KAT6B: variants seen among roughly 807,000 people sequenced by gnomAD.
The protein encoded by KAT6B is lysine acetyltransferase 6B, also known as histone acetyltransferase KAT6B.
Under a neutral mutation model 187.5 loss-of-function variants are expected in KAT6B, and 10 were observed. The ratio of observed to expected loss-of-function variants is 0.05; its 90% CI spans 0.03 to 0.09. KAT6B has a LOEUF of 0.09. Ranked by LOEUF, KAT6B falls within the 10% of genes least tolerant of loss-of-function variation. The pLI, the probability that KAT6B is intolerant of heterozygous loss-of-function variation, is 1.00. For synonymous variants in KAT6B, 861 were observed against 926.8 expected (o/e 0.93, Z 1.29); for missense variants, 1,952 against 2,558.9 (o/e 0.76, Z 5.12).
At chr10:74,956,996 C>T (rs1022418948) in intron 3 of KAT6B, among the ~76,000 whole-genome samples, 1 of 152,176 alleles carries the variant, frequency 6.6e-6, no homozygotes, top group African/African-American at 2.4e-5. Flanking sequence ...CATTTTCAGA[C>T]ATCTTAAATA....
chr10:75,000,056 C>T (rs1015216691), intron 13 of KAT6B, among the ~76,000 whole-genome samples: 1 of 151,762 alleles, frequency 6.6e-6, no homozygotes, highest in Non-Finnish European at 1.5e-5. Flanking sequence ...CCTGTAGTCC[C>T]AGCTACTCAA....
In KAT6B at chr10:74,985,225, T is replaced by C. The variant is rs749520926; in HGVS notation, c.2519T>C (p.Val840Ala). ...AATGATGAAAAGGGCTGTCATCTGG[T>C]TGGATACTTCTCTAAGGTAAAACAA... is the stretch of plus-strand genomic sequence containing the variant. ...TKNDEKGCHLVGYFSKEKLCQ... is the reference protein window; with the variant it reads ...TKNDEKGCHLAGYFSKEKLCQ... The change falls in exon 12 of 18, where the codon GTT (valine) becomes GCT (alanine). Residue 840 changes from valine to alanine, a missense_variant. Physicochemically the swap from Val to Ala is moderately conservative, Grantham distance 64. Transcript: ENST00000287239. 5.0e-6 allele frequency: 8 copies of C among 1,614,024 alleles called. No individual in the cohort carries two copies.
chr10:74,918,014 T>C (rs918747167), intron 3 of KAT6B, among the ~76,000 whole-genome samples: 1 of 152,180 alleles, frequency 6.6e-6, no homozygotes, highest in Admixed American at 6.5e-5. Flanking sequence ...TGGCTTAAAT[T>C]TTTTTTAAAT....
intron 17 of KAT6B, among the ~76,000 whole-genome samples, 199 bp from the exon 18 acceptor site, chr10:75,028,290 C>A (rs913204235): frequency 6.6e-6 from 1 of 152,156 alleles, no homozygotes; most frequent in African/African-American, 2.4e-5. Flanking sequence ...ATGTTACTCT[C>A]CCAGGCCTAG....
intron 3 of KAT6B, among the ~76,000 whole-genome samples, chr10:74,915,246 G>A (rs1254235173): frequency 6.6e-6 from 1 of 151,968 alleles, no homozygotes; most frequent in Non-Finnish European, 1.5e-5. Context: ...GTTTCTCTGT[G>A]GTTTTAAGAA....
At chr10:74,872,981 A>G (rs1844114473) in intron 3 of KAT6B, among the ~76,000 whole-genome samples, 1 of 152,178 alleles carries the variant, frequency 6.6e-6, no homozygotes, top group Non-Finnish European at 1.5e-5. Flanking sequence ...TAAGTCTGAT[A>G]ATACATTATG....
rs534371283 is a variant in KAT6B at position 74,870,385 on chromosome 10, G to T, written c.621+26907G>T. Among the ~76,000 whole-genome samples the T allele has an allele frequency of 3.3e-5, 5 of 152,222 alleles. No homozygotes were observed. The South Asian group carries it at 6.2e-4, about 19-fold the overall frequency. On this transcript the variant is annotated intron_variant, in intron 3 of 17. Transcript: ENST00000287239. ...CAGATTGTCAAGATGGCAGACCTTG[G>T]TTTGCACTTTAGAGTTGGGTAGCTT...
chr10:75,009,684 T>G (rs186118012), intron 13 of KAT6B, among the ~76,000 whole-genome samples: 114 of 152,288 alleles, frequency 7.5e-4, no homozygotes, highest in African/African-American at 2.6e-3. Flanking sequence ...TGTAGCCAGT[T>G]TGGACTTTAA....
In KAT6B at chr10:74,976,144, T is replaced by C; in HGVS notation, c.1807T>C (p.Ser603Pro). ...IRSRFISHSS[S>P]SSWGMARGSI... ...AAGTCGGTTTATTTCTCACTCCTCC[T>C]CCTCTAGCTGGGGGATGGCTAGAGG... is the stretch of plus-strand genomic sequence containing the variant. The change falls in exon 8 of 18, where the codon TCC becomes CCC. Residue 603 changes from serine to proline, a missense_variant. Ser to Pro is a moderately conservative substitution (Grantham distance 74). Transcript: ENST00000287239. 6.2e-7 allele frequency: 1 copy of C among 1,614,160 alleles called. No homozygotes were observed.
At chr10:75,013,184 C>G (rs1844733976) in intron 13 of KAT6B, among the ~76,000 whole-genome samples, 1 of 152,070 alleles carries the variant, frequency 6.6e-6, no homozygotes, top group Non-Finnish European at 1.5e-5. Flanking sequence ...TGGGACTGTC[C>G]CTGGGCTCTG....
intron 9 of KAT6B, among the ~76,000 whole-genome samples, chr10:74,978,479 T>C (rs777309144): frequency 5.9e-5 from 9 of 152,222 alleles, no homozygotes; most frequent in East Asian, 3.8e-4. Context: ...TTAAATATTA[T>C]CTTTTTTTGG....
intron 3 of KAT6B, among the ~76,000 whole-genome samples, chr10:74,909,926 GC>G (rs1847070087): frequency 6.6e-6 from 1 of 152,014 alleles, no homozygotes; most frequent in African/African-American, 2.4e-5. Context: ...GTGGTCAGCT[GC>G]CTCTTCTTTT....
At chr10:74,903,565 G>A (rs374577053) in intron 3 of KAT6B, among the ~76,000 whole-genome samples, 41 of 152,194 alleles carry the variant, frequency 2.7e-4, no homozygotes, top group African/African-American at 8.9e-4. Context: ...GCTAGGAACC[G>A]AATTATTCTA....
At chr10:74,898,148 G>T (rs1589575457) in intron 3 of KAT6B, among the ~76,000 whole-genome samples, 1 of 152,128 alleles carries the variant, frequency 6.6e-6, no homozygotes, top group African/African-American at 2.4e-5. Context: ...AACGTGAAAG[G>T]CATTGGTACA....
In KAT6B at chr10:74,880,760, C is replaced by T. The variant is rs769077419; in HGVS notation, c.621+37282C>T. On this transcript the variant is annotated intron_variant, in intron 3 of 17. Transcript: ENST00000287239. ...CCTCCCAAGTAACTGGGATTACAGG[C>T]GCACGCCACCATGCCCAGCTAATTG... 2.6e-5 allele frequency among the ~76,000 whole-genome samples: 4 copies of T among 151,778 alleles called. No homozygotes were observed. In the South Asian group the frequency reaches 6.2e-4, roughly 24 times the overall value.
intron 3 of KAT6B, among the ~76,000 whole-genome samples, chr10:74,933,510 A>C (rs1199544248): frequency 1.3e-5 from 2 of 152,216 alleles, no homozygotes; most frequent in African/African-American, 2.4e-5. Flanking sequence ...ATGCTGTTAA[A>C]AAGGAGTCAG....
intron 3 of KAT6B, among the ~76,000 whole-genome samples, chr10:74,859,767 A>G (rs1203967981): frequency 6.6e-6 from 1 of 152,232 alleles, no homozygotes; most frequent in African/African-American, 2.4e-5. Flanking sequence ...TCCACCAGCT[A>G]CAGAAATGTA....
chr10:75,005,207 T>G (rs2092321919), intron 13 of KAT6B, among the ~76,000 whole-genome samples: 1 of 151,502 alleles, frequency 6.6e-6, no homozygotes, highest in Non-Finnish European at 1.5e-5. Context: ...TGGCATTTCG[T>G]TTTTTTGTTC....
At position 74,843,213 on chromosome 10, in the gene KAT6B, A is replaced by C. The variant is rs1461885837; in HGVS notation, c.356A>C (p.Glu119Ala). Residue 119 changes from glutamate (E) to alanine (A), a missense_variant, in exon 3 of 18, where the codon GAG (glutamate) becomes GCG (alanine). By Grantham distance (107) the Glu-to-Ala change is moderately radical. Transcript: ENST00000287239. ...KLLRRAIEGL[E>A]EPNGSSLKNI... ...TTAAGGAGAGCAATTGAAGGACTTG[A>C]GGAGCCGAATGGCTCCTCCCTGAAG... 1 of 1,614,112 alleles carries C rather than the reference A, an allele frequency of 6.2e-7. No homozygotes were observed. Among genetic ancestry groups the C allele is most frequent in the Non-Finnish European group, 8.5e-7 (1 of 1,180,048 alleles).
Sources: allele counts gnomAD v4.1 joint callset (sites outside exome capture counted in the v4.1 genomes callset), GRCh38; gene constraint gnomAD v4.1.1; transcripts MANE v1.5; gene names NCBI Gene and HGNC (gene_info 2026-07-23, HGNC 2026-07-21).